The following KATNBL1 variants were observed in gnomAD, a reference collection of about 807,000 sequenced individuals.
KATNBL1 encodes the protein KATNB1-like protein 1.
In KATNBL1, 28 loss-of-function variants were observed where a neutral mutation model predicts 44.7. The observed-to-expected ratio is 0.63, with a 90% CI of 0.46 to 0.86. KATNBL1 has a LOEUF of 0.86. KATNBL1 is among the 40% of genes least tolerant of loss of function. The pLI is 0.00. For synonymous variants in KATNBL1, 78 were observed against 114.9 expected (o/e 0.68, Z 2.06); for missense variants, 272 against 350.7 (o/e 0.78, Z 1.79).
intron 3 of KATNBL1, among the ~76,000 whole-genome samples, chr15:34,153,718 G>A (rs369930642): frequency 2.1e-4 from 32 of 152,082 alleles, no homozygotes; most frequent in East Asian, 1.4e-3. Context: ...CTACAGTCGC[G>A]CGCCACCATG....
chr15:34,162,718 T>C (rs531760297), intron 2 of KATNBL1, among the ~76,000 whole-genome samples: 1 of 152,248 alleles, frequency 6.6e-6, no homozygotes, highest in South Asian at 2.1e-4. Flanking sequence ...CAAGTGATCC[T>C]CCTACCTCAG....
At chr15:34,187,906 A>G (rs1889759246) in intron 1 of KATNBL1, among the ~76,000 whole-genome samples, 1 of 152,058 alleles carries the variant, frequency 6.6e-6, no homozygotes, top group South Asian at 2.1e-4. Flanking sequence ...TGGGAGGCCA[A>G]GGTAGGTGGA....
chr15:34,204,155 G>A (rs1469775827), intron 1 of KATNBL1, among the ~76,000 whole-genome samples: 1 of 152,028 alleles, frequency 6.6e-6, no homozygotes. Flanking sequence ...AGGAAAACTA[G>A]GAGCACAGGC....
chr15:34,163,110 C>G (rs1402570821), intron 2 of KATNBL1, among the ~76,000 whole-genome samples: 1 of 148,758 alleles, frequency 6.7e-6, no homozygotes, highest in Admixed American at 6.8e-5. Flanking sequence ...ATGGCGCGAT[C>G]TCAGCTCACT....
At chr15:34,185,992 T>C (rs1252321493) in intron 1 of KATNBL1, among the ~76,000 whole-genome samples, 1 of 152,200 alleles carries the variant, frequency 6.6e-6, no homozygotes, top group Non-Finnish European at 1.5e-5. Context: ...CAAGAGTTAC[T>C]TTCTCAAAGT....
intron 1 of KATNBL1, chr15:34,199,979 T>G (rs968226953): frequency 6.6e-5 from 10 of 151,528 alleles, no homozygotes; most frequent in Non-Finnish European, 1.5e-4. Context: ...GAGTGCTGAT[T>G]GGTCCACTTT....
chr15:34,196,342 C>T (rs185954714), intron 1 of KATNBL1, among the ~76,000 whole-genome samples: 3 of 152,102 alleles, frequency 2.0e-5, no homozygotes, highest in East Asian at 3.8e-4. Flanking sequence ...CGCGTGAACC[C>T]GGGAGGTGGA....
At chr15:34,175,503 A>G (rs1335873666) in intron 1 of KATNBL1, among the ~76,000 whole-genome samples, 2 of 152,192 alleles carry the variant, frequency 1.3e-5, no homozygotes, top group Non-Finnish European at 2.9e-5. Context: ...TTCATATGGG[A>G]GACATGTTTA....
intron 1 of KATNBL1, among the ~76,000 whole-genome samples, chr15:34,200,909 C>T (rs941058306): frequency 9.9e-5 from 15 of 152,180 alleles, no homozygotes; most frequent in African/African-American, 3.6e-4. Context: ...CTCTGCCTCC[C>T]AGGTTCAAGC....
intron 2 of KATNBL1, among the ~76,000 whole-genome samples, chr15:34,155,902 C>T (rs576478246): frequency 7.9e-5 from 12 of 152,324 alleles, no homozygotes; most frequent in South Asian, 2.1e-4. Flanking sequence ...TGGTACTCCT[C>T]GTGGGACTCT....
chr15:34,186,803 C>G (rs1370007534), intron 1 of KATNBL1, among the ~76,000 whole-genome samples: 1 of 152,222 alleles, frequency 6.6e-6, no homozygotes, highest in Non-Finnish European at 1.5e-5. Flanking sequence ...CAGCGGGAGA[C>G]AGACAAGAGT....
At chr15:34,172,319 C>T (rs376405955) in intron 1 of KATNBL1, among the ~76,000 whole-genome samples, 50 of 135,084 alleles carry the variant, frequency 3.7e-4, no homozygotes, top group South Asian at 9.5e-4. Flanking sequence ...TCCAGTGGCA[C>T]GATCTCGGCT....
intron 3 of KATNBL1, among the ~76,000 whole-genome samples, chr15:34,154,117 T>C (rs1405355167): frequency 6.6e-6 from 1 of 152,234 alleles, no homozygotes; most frequent in Non-Finnish European, 1.5e-5. Flanking sequence ...CCATTCAATC[T>C]ACTGTGATAT....
chr15:34,167,395 A>G (rs558856956), intron 1 of KATNBL1, among the ~76,000 whole-genome samples: 27 of 152,352 alleles, frequency 1.8e-4, no homozygotes, highest in African/African-American at 6.3e-4. Context: ...ACAAGATTAG[A>G]GAAAAAAGAG....
chr15:34,145,947 CTTTTTT>C (rs35429469), intron 8 of KATNBL1: 2 of 123,312 alleles, frequency 1.6e-5, no homozygotes. Flanking sequence ...TAAATTGTGG[CTTTTTT>C]TTTTTTTTTT....
At chr15:34,204,022 TAAA>T (rs35383096) in intron 1 of KATNBL1, among the ~76,000 whole-genome samples, 55 of 130,630 alleles carry the variant, frequency 4.2e-4, no homozygotes, top group African/African-American at 1.1e-3. Flanking sequence ...AGAACTTAAT[TAAA>T]AAAAAAAAAA....
intron 1 of KATNBL1, among the ~76,000 whole-genome samples, chr15:34,185,337 T>C (rs1440159639): frequency 6.6e-6 from 1 of 152,232 alleles, no homozygotes; most frequent in Non-Finnish European, 1.5e-5. Context: ...ACTTAGTGAA[T>C]ACTGCACAGT....
rs146427761 is a variant in KATNBL1 at position 34,187,968 on chromosome 15, G to A, written c.-15+21983C>T. 9.4e-3 allele frequency among the ~76,000 whole-genome samples: 1,411 copies of A among 150,766 alleles called. 12 individuals carry two copies. Among genetic ancestry groups the A allele is most frequent in the Non-Finnish European group, 0.014 (976 of 67,640 alleles). On this transcript the variant is annotated intron_variant, in intron 1 of 9. Transcript: ENST00000256544. ...AGCCTGGCCAACATGGTGAAACCCC[G>A]TATCTACTAAAAATACAAAAATCAG...
At chr15:34,161,476 G>C (rs988836347) in intron 2 of KATNBL1, among the ~76,000 whole-genome samples, 2 of 152,234 alleles carry the variant, frequency 1.3e-5, no homozygotes, top group African/African-American at 4.8e-5. Flanking sequence ...CCGCAAAGAA[G>C]AATCAGCACT....
Sources: gnomAD v4.1 joint callset for allele counts (sites outside exome capture counted in the v4.1 genomes callset) on GRCh38, gnomAD v4.1.1 for gene constraint, MANE v1.5 for transcripts, NCBI Gene and HGNC (gene_info 2026-07-23, HGNC 2026-07-21) for gene names.